LIN54: variants seen among roughly 807,000 people sequenced by gnomAD.
LIN54 encodes the protein protein lin-54 homolog.
A neutral mutation model predicts 78.7 loss-of-function variants in LIN54; 9 were observed. The ratio of observed to expected loss-of-function variants is 0.11; its 90% CI spans 0.07 to 0.20. The LOEUF (loss-of-function observed/expected upper bound fraction) is 0.20, where lower values mean the gene tolerates loss of function less well. LIN54 is among the 10% of genes least tolerant of loss of function. LIN54 has a pLI of 1.00. For synonymous variants in LIN54, 269 were observed against 318.4 expected (o/e 0.84, Z 1.65); for missense variants, 573 against 889.9 (o/e 0.64, Z 4.53).
chr4:83,011,963 AG>A, upstream of LIN54: 1 of 907,218 alleles, frequency 1.1e-6, no homozygotes, highest in Non-Finnish European at 1.3e-6. Context: ...TGTCTAAGTT[AG>A]TGTAGGAAGA....
intron 3 of LIN54, among the ~76,000 whole-genome samples, chr4:82,974,912 A>G (rs377469039): frequency 1.3e-4 from 20 of 151,574 alleles, no homozygotes; most frequent in African/African-American, 4.8e-4. Flanking sequence ...TGGCTGCCGG[A>G]AGCTGGATTG....
intron 4 of LIN54, among the ~76,000 whole-genome samples, chr4:82,967,680 A>G (rs189266947): frequency 6.6e-6 from 1 of 152,366 alleles, no homozygotes; most frequent in Admixed American, 6.5e-5. Context: ...GAACTTGGCA[A>G]TGTGGCAATA....
intron 5 of LIN54, among the ~76,000 whole-genome samples, chr4:82,943,429 C>T (rs374959189): frequency 1.3e-4 from 20 of 152,202 alleles, no homozygotes; most frequent in African/African-American, 4.8e-4. Flanking sequence ...AAGATAAGCC[C>T]CTTTGGCATT....
intron 4 of LIN54, 123 bp from the exon 5 acceptor site, chr4:82,946,597 G>A (rs1158271251): frequency 5.5e-6 from 4 of 721,080 alleles, no homozygotes; most frequent in South Asian, 5.5e-5. Flanking sequence ...CTGCTGAAAG[G>A]AACAACCTGT....
chr4:82,975,709 A>G (rs6535421), intron 3 of LIN54, among the ~76,000 whole-genome samples: 151,014 of 151,442 alleles, frequency 1, 75,293 homozygotes, highest in Middle Eastern at 1. Flanking sequence ...CGAAAACTCC[A>G]TCTAAAAAAA....
At chr4:82,985,826 C>T (rs1347306025) in intron 1 of LIN54, among the ~76,000 whole-genome samples, 1 of 152,114 alleles carries the variant, frequency 6.6e-6, no homozygotes, top group Non-Finnish European at 1.5e-5. Context: ...CAGGCGTGAG[C>T]CACCGTGCCT....
In LIN54 at chr4:83,010,654, C is replaced by T; in HGVS notation, c.-203G>A. 2.4e-6 allele frequency: 3 copies of T among 1,231,562 alleles called. No homozygotes were observed. The highest frequency in any genetic ancestry group is 3.2e-5 in the East Asian group (1 of 31,608). 76.3% of individuals were successfully genotyped at this position (1,231,562 alleles called of 1,614,324 possible). ...GGAGCGCTCCAGGGTACCCGGGGAC[C>T]GAGAAGGGAGCCGGGGTGGCGACGT... On this transcript the variant is annotated 5_prime_UTR_variant, in exon 1 of 13. Transcript: ENST00000340417.
At chr4:82,962,936 C>T (rs970441007) in intron 4 of LIN54, among the ~76,000 whole-genome samples, 1 of 151,862 alleles carries the variant, frequency 6.6e-6, no homozygotes, top group Non-Finnish European at 1.5e-5. Context: ...AGAAAAGTGA[C>T]CCAAGTTTTC....
intron 1 of LIN54, among the ~76,000 whole-genome samples, chr4:82,986,057 T>C (rs1457351295): frequency 6.6e-6 from 1 of 152,190 alleles, no homozygotes; most frequent in Non-Finnish European, 1.5e-5. Context: ...TAAATAGCAG[T>C]GAGTTATTTG....
At chr4:82,973,229 C>T (rs541231799) in intron 3 of LIN54, among the ~76,000 whole-genome samples, 79 of 152,074 alleles carry the variant, frequency 5.2e-4, no homozygotes, top group African/African-American at 1.5e-3. Flanking sequence ...AAAATTTGGA[C>T]GACAGCAAAA....
At chr4:82,929,816 C>T (rs1721802411) in intron 12 of LIN54, among the ~76,000 whole-genome samples, 1 of 152,004 alleles carries the variant, frequency 6.6e-6, no homozygotes. Context: ...AAAAAGAAAA[C>T]AAAACAAAAA....
rs561904955 is a variant in LIN54 at position 82,984,931 on chromosome 4, A to G, written c.-32-55T>C. 13 of 1,236,216 alleles carry G rather than the reference A, an allele frequency of 1.1e-5. No homozygotes were observed. In the African/African-American group the frequency reaches 1.7e-4, roughly 16 times the overall value. 76.6% of individuals were successfully genotyped at this position (1,236,216 alleles called of 1,614,324 possible). On this transcript the variant is annotated intron_variant, in intron 1 of 12. Coordinates refer to ENST00000340417, the MANE Select transcript of LIN54 (RefSeq NM_194282.4). ...TACTAGGTTTCAAAAGATGTAAGAAAAAAATTCAAAAAAAATGCAAATGGC... is the reference window on the plus strand; with the variant it reads ...TACTAGGTTTCAAAAGATGTAAGAAGAAAATTCAAAAAAAATGCAAATGGC...
At position 82,997,638 on chromosome 4, in the gene LIN54, A is replaced by G. The variant is rs13125681; in HGVS notation, c.-32-12762T>C. 4.8e-3 allele frequency among the ~76,000 whole-genome samples: 733 copies of G among 152,152 alleles called. 8 individuals carry two copies. The highest frequency in any genetic ancestry group is 7.7e-3 in the Non-Finnish European group (524 of 67,982). Reference sequence around the variant, plus strand: ...AGGCAGGGAGACCAGTTGGAAGGCTATTGTAGTAATTAGTTCAAGATACAG... The same window carrying G: ...AGGCAGGGAGACCAGTTGGAAGGCTGTTGTAGTAATTAGTTCAAGATACAG... On this transcript the variant is annotated intron_variant, in intron 1 of 12. Coordinates refer to ENST00000340417, the MANE Select transcript of LIN54 (RefSeq NM_194282.4).
chr4:82,930,110 G>C (rs1330798560), intron 12 of LIN54, among the ~76,000 whole-genome samples: 2 of 152,116 alleles, frequency 1.3e-5, no homozygotes, highest in Non-Finnish European at 2.9e-5. Flanking sequence ...TGTTGGCCAG[G>C]CTAGTCTCAA....
At chr4:82,953,260 G>T (rs1158654580) in intron 4 of LIN54, among the ~76,000 whole-genome samples, 4 of 152,158 alleles carry the variant, frequency 2.6e-5, no homozygotes, top group African/African-American at 9.7e-5. Flanking sequence ...AAGTGCTGGG[G>T]ATTACAGGCT....
chr4:82,999,189 T>C (rs1728519782), intron 1 of LIN54, among the ~76,000 whole-genome samples: 1 of 152,262 alleles, frequency 6.6e-6, no homozygotes, highest in East Asian at 1.9e-4. Flanking sequence ...ACTGTAAAAC[T>C]TGAATAACAC....
intron 2 of LIN54, among the ~76,000 whole-genome samples, chr4:82,980,896 T>C (rs1726579267): frequency 6.6e-6 from 1 of 152,142 alleles, no homozygotes; most frequent in African/African-American, 2.4e-5. Context: ...TGAATACTTA[T>C]CAGTAAGAAA....
intron 3 of LIN54, among the ~76,000 whole-genome samples, chr4:82,974,133 C>T (rs931180176): frequency 6.6e-6 from 1 of 150,998 alleles, no homozygotes; most frequent in Non-Finnish European, 1.5e-5. Flanking sequence ...TGGCGTGAAC[C>T]CAGGAGGCGG....
At chr4:82,929,949 G>A (rs952179331) in intron 12 of LIN54, among the ~76,000 whole-genome samples, 26 of 152,292 alleles carry the variant, frequency 1.7e-4, no homozygotes, top group Non-Finnish European at 3.2e-4. Flanking sequence ...CCAAGCTGGA[G>A]TGCAATTGCG....
Sources: allele counts gnomAD v4.1 joint callset (sites outside exome capture counted in the v4.1 genomes callset), GRCh38; gene constraint gnomAD v4.1.1; transcripts MANE v1.5; gene names NCBI Gene and HGNC (gene_info 2026-07-23, HGNC 2026-07-21).